The following SLC33A1 variants were observed in gnomAD, a reference collection of about 807,000 sequenced individuals.
SLC33A1 encodes solute carrier family 33 member 1.
In SLC33A1, 20 loss-of-function variants were observed where a neutral mutation model predicts 50.0. That is an observed-to-expected ratio of 0.40 (90% CI 0.28 to 0.58). The LOEUF (loss-of-function observed/expected upper bound fraction) is 0.58, where lower values mean the gene tolerates loss of function less well. SLC33A1 is among the 20% of genes least tolerant of loss of function. SLC33A1 has a pLI of 0.44. For missense variants in SLC33A1, 476 were observed against 657.0 expected (o/e 0.72, Z 3.01); for synonymous variants, 265 against 251.8 (o/e 1.05, Z -0.50).
rs896145869 is a variant in SLC33A1, at chr3:155,823,232, G to A, written c.*4978C>T. 1.3e-5 allele frequency: 2 copies of A among 152,190 alleles called. No homozygotes were observed. The highest frequency in any genetic ancestry group is 2.9e-5 in the Non-Finnish European group (2 of 68,044). 9.4% of individuals were successfully genotyped at this position (152,190 alleles called of 1,614,324 possible). A position where few individuals can be genotyped will look rare whatever the true frequency, so the allele number is the denominator to read the frequency against. On this transcript the variant is annotated 3_prime_UTR_variant, in exon 6 of 6. Transcript: ENST00000643144. ...ATAAGGAAAATAAGCTATCCATGCT[G>A]ATTCTACCTTGCTAGCAAATTGGGG...
chr3:155,835,899 G>A (rs774828311), intron 2 of SLC33A1, among the ~76,000 whole-genome samples: 12 of 151,782 alleles, frequency 7.9e-5, no homozygotes, highest in Non-Finnish European at 1.5e-4. Flanking sequence ...GTGTGTCCAC[G>A]TCCTTGATCT....
chr3:155,834,603 G>A (rs763278889), intron 2 of SLC33A1, among the ~76,000 whole-genome samples: 2 of 152,108 alleles, frequency 1.3e-5, no homozygotes, highest in Non-Finnish European at 2.9e-5. Context: ...ACAAAAAAGA[G>A]TAAGAATTAA....
intron 5 of SLC33A1, 141 bp downstream of exon 5, chr3:155,829,547 G>T (rs1752325951): frequency 1.5e-6 from 1 of 675,092 alleles, no homozygotes; most frequent in South Asian, 1.8e-5. Flanking sequence ...TGATGTGAAA[G>T]AAAATATATA....
In SLC33A1 at chr3:155,853,897, C is replaced by T. The variant is rs769896914; in HGVS notation, c.101G>A (p.Gly34Asp). ...TGAGTCCAAATGACTGTCATCCCAA[C>T]CGCCTGGCGGCAGGGGACCGCTCTT... ...DMKSGPLPPG[G>D]WDDSHLDSAG... Residue 34 changes from glycine (G) to aspartate (D), a missense_variant, in exon 1 of 6, where the codon GGT becomes GAT. Physicochemically the swap from Gly to Asp is moderately conservative, Grantham distance 94 (BLOSUM62 -1). Coordinates refer to ENST00000643144, the MANE Select transcript of SLC33A1 (RefSeq NM_004733.4). 6.5e-6 allele frequency: 10 copies of T among 1,548,292 alleles called. No individual in the cohort carries two copies. The South Asian group carries it at 1.1e-4, about 17-fold the overall frequency.
At chr3:155,851,946 C>T (rs768611460) in intron 1 of SLC33A1, among the ~76,000 whole-genome samples, 1 of 152,118 alleles carries the variant, frequency 6.6e-6, no homozygotes, top group Non-Finnish European at 1.5e-5. Context: ...CACCTCCTAC[C>T]ACCACCACAT....
At chr3:155,839,920 A>G (rs1752858346) in intron 2 of SLC33A1, among the ~76,000 whole-genome samples, 1 of 151,808 alleles carries the variant, frequency 6.6e-6, no homozygotes, top group African/African-American at 2.4e-5. Flanking sequence ...ACTCCAGCCT[A>G]GGCAACAGAG....
chr3:155,841,327 C>T (rs915295422), intron 2 of SLC33A1, among the ~76,000 whole-genome samples: 3 of 152,134 alleles, frequency 2.0e-5, no homozygotes, highest in Non-Finnish European at 4.4e-5. Context: ...GCTGGGATCA[C>T]AGGCATGAGC....
Position 155,853,269 on chromosome 3 carries a change from T to C in SLC33A1, c.729A>G (p.Lys243=), listed in dbSNP as rs758238838. 11 of 1,614,008 alleles carry C rather than the reference T, an allele frequency of 6.8e-6. No individual in the cohort carries two copies. Among genetic ancestry groups the C allele is most frequent in the Middle Eastern group, 1.6e-4 (1 of 6,062 alleles). ...LALESADFCN[K]YLRFQPQPRG... Reference sequence around the variant, plus strand: ...TGGGTTGAGGCTGAAACCGCAAATATTTGTTACAAAAGTCGGCAGATTCAA... The same window carrying C: ...TGGGTTGAGGCTGAAACCGCAAATACTTGTTACAAAAGTCGGCAGATTCAA... The change falls in exon 1 of 6, where the codon AAA becomes AAG. Residue 243 remains lysine (K), a synonymous_variant. Transcript: ENST00000643144.
chr3:155,833,843 TATTTC>T lies in SLC33A1; in HGVS notation c.1148+9_1148+13del. The T allele has an allele frequency of 4.4e-6, 7 of 1,600,550 alleles. No homozygotes were observed. The highest frequency in any genetic ancestry group is 6.0e-6 in the Non-Finnish European group (7 of 1,168,018). On this transcript the variant is annotated intron_variant, in intron 3 of 5. Coordinates refer to ENST00000643144, the MANE Select transcript of SLC33A1 (RefSeq NM_004733.4). ...TACCCTTTCTTATTTAGTAAGGTTT[TATTTC>T]ATTTTTACCTGTAGGGCATGGCTTT...
chr3:155,821,635 T>G lies in SLC33A1; in HGVS notation c.*6575A>C, dbSNP rs1352639369. 6.6e-6 allele frequency: 1 copy of G among 151,346 alleles called. No homozygotes were observed. Among genetic ancestry groups the G allele is most frequent in the Admixed American group, 6.6e-5 (1 of 15,154 alleles). 9.4% of individuals were successfully genotyped at this position (151,346 alleles called of 1,614,324 possible). ...ACCTGGGCCACCACACCCGGCTAAT[T>G]TTGTATTTTTAGTAGAGATGGGGTT... On this transcript the variant is annotated 3_prime_UTR_variant, in exon 6 of 6. Transcript: ENST00000643144.
At chr3:155,831,160 A>G (rs1052667186) in intron 4 of SLC33A1, among the ~76,000 whole-genome samples, 2 of 152,102 alleles carry the variant, frequency 1.3e-5, no homozygotes, top group East Asian at 3.8e-4. Flanking sequence ...GTGTTCACTT[A>G]ATATTTGTTG....
intron 1 of SLC33A1, among the ~76,000 whole-genome samples, chr3:155,851,276 C>G (rs1385531021): frequency 6.6e-6 from 1 of 152,110 alleles, no homozygotes; most frequent in East Asian, 1.9e-4. Context: ...CAGGGTTGCA[C>G]TCTGTTGACC....
intron 2 of SLC33A1, among the ~76,000 whole-genome samples, chr3:155,836,280 C>CAAAAAAAAA (rs57460942): frequency 6.3e-4 from 17 of 27,168 alleles, no homozygotes; most frequent in African/African-American, 1.1e-3. Flanking sequence ...GAGACTCTGT[C>CAAAAAAAAA]AAAAAAAAAA....
In SLC33A1 at chr3:155,823,911, A is replaced by T. The variant is rs367776768; in HGVS notation, c.*4299T>A. The T allele has an allele frequency of 2.0e-5, 3 of 151,968 alleles. No homozygotes were observed. Among genetic ancestry groups the T allele is most frequent in the East Asian group, 3.9e-4 (2 of 5,098 alleles). The allele number at this position is 151,968 out of a possible 1,614,324, so 9.4% of individuals were successfully genotyped here. On this transcript the variant is annotated 3_prime_UTR_variant, in exon 6 of 6. Transcript: ENST00000643144. ...GTATTTTTAGTAGAGACGGCGTTTC[A>T]CCATGTTGGCCAGGCTGGTCTCAAA... is the stretch of plus-strand genomic sequence containing the variant.
intron 5 of SLC33A1, 140 bp downstream of exon 5, chr3:155,829,548 A>G (rs1231921551): frequency 4.9e-5 from 33 of 677,046 alleles, no homozygotes; most frequent in Non-Finnish European, 5.1e-6. Context: ...GATGTGAAAG[A>G]AAATATATAT....
Position 155,837,374 on chromosome 3 carries a change from A to C in SLC33A1, c.964-3333T>G, listed in dbSNP as rs886323464. Among the ~76,000 whole-genome samples the C allele has an allele frequency of 3.8e-3, 571 of 152,010 alleles. 2 individuals carry two copies. The highest frequency in any genetic ancestry group is 6.4e-3 in the Non-Finnish European group (438 of 67,960). ...CCGTCTCAAAAAAAAAAAAAAAAAA[A>C]AAGATAATATATGTGTTTTCAAGGA... On this transcript the variant is annotated intron_variant, in intron 2 of 5. Coordinates refer to ENST00000643144, the MANE Select transcript of SLC33A1 (RefSeq NM_004733.4).
At position 155,829,594 on chromosome 3, in the gene SLC33A1, A is replaced by G. The variant is rs1361231396; in HGVS notation, c.1482+94T>C. 3.3e-6 allele frequency: 3 copies of G among 915,940 alleles called. No individual in the cohort carries two copies. The African/African-American group carries it at 5.0e-5, about 15-fold the overall frequency. 56.7% of individuals were successfully genotyped at this position (915,940 alleles called of 1,614,324 possible). ...AAACCAGAACCTATGGACAGATATG[A>G]TTTTTAAAAAAGATATAGTACTTCT... On this transcript the variant is annotated intron_variant, in intron 5 of 5. Coordinates refer to ENST00000643144, the MANE Select transcript of SLC33A1 (RefSeq NM_004733.4).
chr3:155,852,612 A>T (rs970785046), intron 1 of SLC33A1, among the ~76,000 whole-genome samples: 40 of 152,312 alleles, frequency 2.6e-4, no homozygotes, highest in African/African-American at 9.6e-4. Context: ...GTGGAATCTT[A>T]TTCAAGAACA....
chr3:155,836,079 T>C (rs1299898185), intron 2 of SLC33A1, among the ~76,000 whole-genome samples: 1 of 150,214 alleles, frequency 6.7e-6, no homozygotes, highest in Non-Finnish European at 1.5e-5. Flanking sequence ...GGTCAGGAGA[T>C]TTGAGACCAT....
Sources: gnomAD v4.1 joint callset for allele counts (sites outside exome capture counted in the v4.1 genomes callset) on GRCh38, gnomAD v4.1.1 for gene constraint, MANE v1.5 for transcripts, NCBI Gene and HGNC (gene_info 2026-07-23, HGNC 2026-07-21) for gene names.